Variants in RBFOX3 observed in about 807,000 individuals in gnomAD.
RBFOX3 encodes RNA binding protein fox-1 homolog 3.
RBFOX3 carries 17 observed loss-of-function variants against 48.7 expected under a neutral mutation model. The ratio of observed to expected loss-of-function variants is 0.35; its 90% confidence interval spans 0.24 to 0.52. RBFOX3 has a LOEUF of 0.52. Among genes scored for constraint, RBFOX3 ranks in the 20% least tolerant of loss-of-function variants. The pLI, the probability that RBFOX3 is intolerant of heterozygous loss-of-function variation, is 0.94. For missense variants in RBFOX3, 382 were observed against 497.5 expected (o/e 0.77, Z 2.21); for synonymous variants, 212 against 209.5 (o/e 1.01, Z -0.10).
intron 4 of RBFOX3, among the ~76,000 whole-genome samples, chr17:79,165,959 A>C (rs1480887739): frequency 3.9e-5 from 6 of 152,228 alleles, no homozygotes. Context: ...AAGGCCCTGC[A>C]GGGCACCCGC....
At chr17:79,194,780 G>GTGTGTGTGTT (rs2055238488) in intron 4 of RBFOX3, among the ~76,000 whole-genome samples, 1 of 144,810 alleles carries the variant, frequency 6.9e-6, no homozygotes, top group South Asian at 2.2e-4. Context: ...GTGTGTGTGT[G>GTGTGTGTGTT]AAATGCACAT....
chr17:79,574,120 G>C (rs2092778656), intron 1 of RBFOX3, among the ~76,000 whole-genome samples: 1 of 152,230 alleles, frequency 6.6e-6, no homozygotes, highest in Non-Finnish European at 1.5e-5. Flanking sequence ...TCACGGAGAA[G>C]TTACAGAAGG....
chr17:79,389,981 TCCGCAGC>T (rs1293883104), intron 2 of RBFOX3, among the ~76,000 whole-genome samples: 4 of 7,686 alleles, frequency 5.2e-4, no homozygotes, highest in Non-Finnish European at 9.4e-4. Context: ...CCTCCGGGTC[TCCGCAGC>T]CTCCAGGTCT....
At chr17:79,445,156 T>C (rs7212598) in intron 2 of RBFOX3, among the ~76,000 whole-genome samples, 7,278 of 152,264 alleles carry the variant, frequency 0.048, 177 homozygotes, top group African/African-American at 0.052. Flanking sequence ...CATCAGTCGA[T>C]AGACATTGAG....
intron 5 of RBFOX3, among the ~76,000 whole-genome samples, 163 bp from the exon 6 acceptor site, chr17:79,106,951 T>A (rs980907346): frequency 5.9e-5 from 9 of 152,010 alleles, no homozygotes; most frequent in African/African-American, 2.2e-4. Context: ...GGCAGACGGT[T>A]CCCATGAGAT....
chr17:79,128,428 C>T (rs545544305), intron 4 of RBFOX3, among the ~76,000 whole-genome samples: 2 of 152,264 alleles, frequency 1.3e-5, no homozygotes, highest in East Asian at 3.9e-4. Context: ...AGGGCTTTCC[C>T]AGGATGGAGG....
intron 4 of RBFOX3, among the ~76,000 whole-genome samples, chr17:79,231,410 C>T (rs2061020449): frequency 1.3e-5 from 2 of 152,170 alleles, no homozygotes; most frequent in Non-Finnish European, 2.9e-5. Flanking sequence ...TCATGGGGCA[C>T]TGGGTAGAGC....
At chr17:79,449,981 G>A (rs1166383487) in intron 2 of RBFOX3, among the ~76,000 whole-genome samples, 1 of 152,192 alleles carries the variant, frequency 6.6e-6, no homozygotes, top group African/African-American at 2.4e-5. Flanking sequence ...GGGGGAAGAT[G>A]TTAGCACAGT....
chr17:79,435,147 G>T (rs2069164668), intron 2 of RBFOX3, among the ~76,000 whole-genome samples: 1 of 152,144 alleles, frequency 6.6e-6, no homozygotes, highest in African/African-American at 2.4e-5. Context: ...CAGCGTGTCT[G>T]CCCCCCACCT....
chr17:79,110,224 G>A (rs555084627), intron 5 of RBFOX3, among the ~76,000 whole-genome samples: 1 of 152,190 alleles, frequency 6.6e-6, no homozygotes, highest in East Asian at 1.9e-4. Context: ...CTGGGCTGGG[G>A]GTCCTGCTTC....
rs566207690 is a variant in RBFOX3 at position 79,195,989 on chromosome 17, G to C, written c.-34+39777C>G. On this transcript the variant is annotated intron_variant, in intron 4 of 14. Transcript: ENST00000693108. The surrounding 1 kb of genome is among the most constrained non-coding windows in gnomAD (Gnocchi z 5.3). ...ACACCCTGGACAAATTGGATCTCAG[G>C]CACCCAGAGCACCCTCAGCCTCATG... 6.6e-6 allele frequency among the ~76,000 whole-genome samples: 1 copy of C among 152,248 alleles called. No individual in the cohort carries two copies. Among genetic ancestry groups the C allele is most frequent in the African/African-American group, 2.4e-5 (1 of 41,514 alleles).
At chr17:79,324,363 A>T (rs997505986) in intron 2 of RBFOX3, among the ~76,000 whole-genome samples, 1 of 152,154 alleles carries the variant, frequency 6.6e-6, no homozygotes, top group Non-Finnish European at 1.5e-5. Flanking sequence ...ATGCAGCTTG[A>T]GCTTCCAGAG....
chr17:79,105,291 G>A (rs2077161660), intron 6 of RBFOX3, among the ~76,000 whole-genome samples: 1 of 152,216 alleles, frequency 6.6e-6, no homozygotes, highest in Non-Finnish European at 1.5e-5. Context: ...CCATCCTGCA[G>A]GGACCCAGGG....
intron 2 of RBFOX3, among the ~76,000 whole-genome samples, chr17:79,442,833 G>A (rs1263301751): frequency 1.3e-5 from 2 of 152,188 alleles, no homozygotes; most frequent in South Asian, 2.1e-4. Flanking sequence ...CAGGAGGACA[G>A]GACCTGAAGG....
In RBFOX3 at chr17:79,477,448, T is replaced by C. The variant is rs371196710; in HGVS notation, c.-175+5006A>G. On this transcript the variant is annotated intron_variant, in intron 2 of 14. Coordinates refer to ENST00000693108, the MANE Select transcript of RBFOX3 (RefSeq NM_001350451.2). The surrounding 1 kb of genome is among the most constrained non-coding windows in gnomAD (Gnocchi z 4.8). The stretch of plus-strand genomic sequence containing the variant: ...GCGGGCGCCTGTAGTCCCAGCTACT[T>C]GGGAGGCTGAGGCAGGAGAATGGCG... Among the ~76,000 whole-genome samples, 1,002 of 150,354 alleles carry C rather than the reference T, an allele frequency of 6.7e-3. 4 individuals are homozygous for C. Among genetic ancestry groups the C allele is most frequent in the South Asian group, 0.021 (101 of 4,728 alleles).
At chr17:79,389,200 C>T (rs1373483957) in intron 2 of RBFOX3, among the ~76,000 whole-genome samples, 1 of 152,224 alleles carries the variant, frequency 6.6e-6, no homozygotes, top group African/African-American at 2.4e-5. Flanking sequence ...CAGGAGAGCA[C>T]TAACCACCAA....
At chr17:79,517,225 T>A (rs2085365982) in intron 1 of RBFOX3, among the ~76,000 whole-genome samples, 1 of 151,986 alleles carries the variant, frequency 6.6e-6, no homozygotes, top group African/African-American at 2.4e-5. Flanking sequence ...GCAGGTGGAT[T>A]ACTTAAGGTC....
chr17:79,155,971 C>A (rs1182738673), intron 4 of RBFOX3, among the ~76,000 whole-genome samples: 1 of 152,206 alleles, frequency 6.6e-6, no homozygotes, highest in Non-Finnish European at 1.5e-5. Flanking sequence ...AGCAGGGCCT[C>A]TCGGGGAGGC....
At chr17:79,607,501 C>T (rs2093859839) in intron 1 of RBFOX3, among the ~76,000 whole-genome samples, 1 of 152,214 alleles carries the variant, frequency 6.6e-6, no homozygotes, top group Admixed American at 6.5e-5. Context: ...ATGTTTTCCT[C>T]TCTTTACTGC....
Sources: gnomAD v4.1 joint callset for allele counts (sites outside exome capture counted in the v4.1 genomes callset) on GRCh38, gnomAD v4.1.1 for gene constraint, Gnocchi (gnomAD v3.1) non-coding constraint, MANE v1.5 for transcripts, NCBI Gene and HGNC (gene_info 2026-07-23, HGNC 2026-07-21) for gene names.